The following SHISA9 variants were observed in gnomAD, a reference collection of about 807,000 sequenced individuals.
SHISA9 encodes shisa family member 9, also known as protein shisa-9.
SHISA9 carries 13 observed loss-of-function variants against 38.0 expected under a neutral mutation model. The observed-to-expected ratio is 0.34, with a 90% CI of 0.22 to 0.54. SHISA9 has a LOEUF of 0.54. Ranked by LOEUF, SHISA9 falls within the 20% of genes least tolerant of loss-of-function variation. The probability of loss-of-function intolerance (pLI) is 0.91; values close to 1 mark genes in which losing one functional copy is unlikely to be tolerated. For missense variants in SHISA9, 538 were observed against 575.8 expected (o/e 0.93, Z 0.67); for synonymous variants, 275 against 242.0 (o/e 1.14, Z -1.27).
chr16:13,478,082 T>A, the SHISA9 span, among the ~76,000 whole-genome samples: 2 of 152,238 alleles, frequency 1.3e-5, no homozygotes, highest in African/African-American at 4.8e-5. Flanking sequence ...ACATCGCATT[T>A]TCCTCTGAAA....
chr16:13,148,199 A>C (rs989682405), intron 2 of SHISA9, among the ~76,000 whole-genome samples: 2 of 151,908 alleles, frequency 1.3e-5, no homozygotes, highest in Non-Finnish European at 2.9e-5. Flanking sequence ...TGCACATCAC[A>C]TTTCCTACAT....
the SHISA9 span, among the ~76,000 whole-genome samples, chr16:13,521,599 A>C: frequency 6.6e-6 from 1 of 152,214 alleles, no homozygotes; most frequent in African/African-American, 2.4e-5. Context: ...TTCTGGCTTC[A>C]TTAGTCAAGG....
chr16:13,439,179 C>T, the SHISA9 span, among the ~76,000 whole-genome samples: 1 of 152,132 alleles, frequency 6.6e-6, no homozygotes, highest in African/African-American at 2.4e-5. Flanking sequence ...TCCTCTTTTC[C>T]CCTAGACTGA....
At chr16:13,278,392 C>G in the SHISA9 span, among the ~76,000 whole-genome samples, 1 of 151,858 alleles carries the variant, frequency 6.6e-6, no homozygotes, top group Non-Finnish European at 1.5e-5. Context: ...TTGGTTACGT[C>G]CTTTCCTGGT....
chr16:13,312,481 T>C, the SHISA9 span, among the ~76,000 whole-genome samples: 3 of 152,204 alleles, frequency 2.0e-5, no homozygotes, highest in Non-Finnish European at 1.5e-5. Flanking sequence ...TTTTACAATA[T>C]GCTAAGAGCC....
the SHISA9 span, among the ~76,000 whole-genome samples, chr16:13,446,622 C>A: frequency 6.6e-6 from 1 of 151,900 alleles, no homozygotes; most frequent in East Asian, 1.9e-4. Context: ...TATGGCAAGG[C>A]AACTTGTTGA....
chr16:13,469,302 C>CAGAGAGAGAGAGAG, the SHISA9 span, among the ~76,000 whole-genome samples: 1 of 46,674 alleles, frequency 2.1e-5, no homozygotes, highest in African/African-American at 9.6e-5. Context: ...GAAAGAAAGA[C>CAGAGAGAGAGAGAG]AGAGAGAGAG....
chr16:13,549,613 A>G, the SHISA9 span, among the ~76,000 whole-genome samples: 1 of 152,204 alleles, frequency 6.6e-6, no homozygotes, highest in Admixed American at 6.5e-5. Flanking sequence ...TAGGTCAGTC[A>G]AGGTGACACA....
At chr16:13,364,523 T>C in the SHISA9 span, among the ~76,000 whole-genome samples, 1 of 152,248 alleles carries the variant, frequency 6.6e-6, no homozygotes, top group Admixed American at 6.5e-5. Context: ...ATTCAGTATT[T>C]TTATTCAACA....
At chr16:13,493,406 A>G in the SHISA9 span, among the ~76,000 whole-genome samples, 12 of 152,336 alleles carry the variant, frequency 7.9e-5, no homozygotes, top group African/African-American at 2.6e-4. Flanking sequence ...GCCAGACTCC[A>G]GACAAAATTC....
chr16:13,547,018 A>G, the SHISA9 span, among the ~76,000 whole-genome samples: 2 of 152,276 alleles, frequency 1.3e-5, no homozygotes, highest in South Asian at 2.1e-4. Context: ...CTATCTTTAC[A>G]TGGCTGACTC....
At chr16:13,162,093 G>C (rs770307950) in intron 2 of SHISA9, among the ~76,000 whole-genome samples, 14 of 152,132 alleles carry the variant, frequency 9.2e-5, no homozygotes, top group Non-Finnish European at 1.0e-4. Flanking sequence ...ATTAATAGAA[G>C]ACAAGTTAGC....
chr16:12,977,683 T>G (rs1346227192), intron 2 of SHISA9, among the ~76,000 whole-genome samples: 1 of 152,092 alleles, frequency 6.6e-6, no homozygotes, highest in African/African-American at 2.4e-5. Context: ...TGGATGGAGC[T>G]GGAAGCCATT....
intron 2 of SHISA9, among the ~76,000 whole-genome samples, chr16:13,090,010 C>G (rs144462374): frequency 0.024 from 3,593 of 152,262 alleles, 146 homozygotes; most frequent in African/African-American, 0.082. Context: ...TGTCTTTGTT[C>G]TCATTGGTTT....
chr16:13,362,458 C>G, the SHISA9 span, among the ~76,000 whole-genome samples: 1 of 151,692 alleles, frequency 6.6e-6, no homozygotes, highest in East Asian at 1.9e-4. Context: ...AACAAACAAA[C>G]AAAAAAACAA....
the SHISA9 span, among the ~76,000 whole-genome samples, chr16:13,321,639 G>T: frequency 6.6e-6 from 1 of 152,214 alleles, no homozygotes; most frequent in Non-Finnish European, 1.5e-5. Context: ...ATGAGTTTAT[G>T]TGTTGCATAT....
At chr16:13,171,328 A>G (rs952020323) in intron 2 of SHISA9, among the ~76,000 whole-genome samples, 3 of 152,120 alleles carry the variant, frequency 2.0e-5, no homozygotes, top group Non-Finnish European at 4.4e-5. Flanking sequence ...CAGGGGAGAA[A>G]ACATCCAAAC....
intron 2 of SHISA9, among the ~76,000 whole-genome samples, chr16:13,100,636 C>T (rs908502676): frequency 6.6e-6 from 1 of 152,184 alleles, no homozygotes; most frequent in African/African-American, 2.4e-5. Flanking sequence ...GAAGTGTGCA[C>T]TCCAGGAGAA....
At chr16:13,349,007 G>A in the SHISA9 span, among the ~76,000 whole-genome samples, 2 of 152,060 alleles carry the variant, frequency 1.3e-5, no homozygotes, top group Non-Finnish European at 2.9e-5. Flanking sequence ...ACCCACTCTT[G>A]ACATTTGTTC....
Sources: allele counts gnomAD v4.1 joint callset (sites outside exome capture counted in the v4.1 genomes callset), GRCh38; gene constraint gnomAD v4.1.1; transcripts MANE v1.5; gene names NCBI Gene and HGNC (gene_info 2026-07-23, HGNC 2026-07-21).